CENPF: variants seen among roughly 807,000 people sequenced by gnomAD.
The protein encoded by CENPF is AH antigen.
CENPF carries 214 observed loss-of-function variants against 307.3 expected under a neutral mutation model. That is an observed-to-expected ratio of 0.70 (90% CI 0.62 to 0.78). CENPF has a LOEUF of 0.78. Ranked by LOEUF, CENPF falls within the 30% of genes least tolerant of loss-of-function variation. The pLI is 0.00. For synonymous variants in CENPF, 1,259 were observed against 1,270.6 expected, an observed-to-expected ratio of 0.99 and a Z score of 0.19; for missense variants, 3,401 against 3,483.9, an observed-to-expected ratio of 0.98 and a Z score of 0.60.
At chr1:214,603,922 G>A (rs1656956024) in intron 1 of CENPF, among the ~76,000 whole-genome samples, 1 of 151,814 alleles carries the variant, frequency 6.6e-6, no homozygotes, top group African/African-American at 2.4e-5. Context: ...CTTGGCCTCT[G>A]TAAGTGCCAG....
In CENPF at chr1:214,618,677, C is replaced by T. The variant is rs749453909; in HGVS notation, c.464C>T (p.Pro155Leu). 1 of 1,613,546 alleles carries T rather than the reference C, an allele frequency of 6.2e-7. No individual in the cohort carries two copies. The highest frequency in any genetic ancestry group is 1.3e-5 in the African/African-American group (1 of 74,904). Residue 155 changes from proline (P) to leucine (L), a missense_variant, in exon 4 of 20, where the codon CCA becomes CTA. By Grantham distance (98) the Pro-to-Leu change is moderately conservative (BLOSUM62 -3). Transcript: ENST00000366955. ...PQKIFTTPLT[P>L]SQYYSGSKYE... ...AAAATTTTTACAACTCCACTAACAC[C>T]AAGTCAATATTATAGTGGTAATGCA...
chr1:214,648,111 G>T, intron 13 of CENPF: 2 of 356,074 alleles, frequency 5.6e-6, no homozygotes, highest in African/African-American at 2.1e-5. Flanking sequence ...AGAATAAAAG[G>T]ACTATCCACA....
In CENPF at chr1:214,646,925, A is replaced by T. The variant is rs767065043; in HGVS notation, c.7355A>T (p.Glu2452Val). 5.6e-6 allele frequency: 9 copies of T among 1,614,134 alleles called. No homozygotes were observed. Among genetic ancestry groups the T allele is most frequent in the Non-Finnish European group, 7.6e-6 (9 of 1,180,006 alleles). Reference sequence around the variant, plus strand: ...CAAACACAATTAAAAGAGCTCAATGAGAGAGTGGCAGCCCTGCATAATGAC... The same window carrying T: ...CAAACACAATTAAAAGAGCTCAATGTGAGAGTGGCAGCCCTGCATAATGAC... Reference protein sequence around the residue: ...MLQTQLKELNERVAALHNDQE... With the variant: ...MLQTQLKELNVRVAALHNDQE... Residue 2452 changes from glutamate (E) to valine (V), a missense_variant, in exon 13 of 20, where the codon GAG becomes GTG. Glu to Val is a moderately radical substitution (Grantham distance 121). Transcript: ENST00000366955.
At position 214,646,619 on chromosome 1, in the gene CENPF, C is replaced by G. The variant is rs373288161; in HGVS notation, c.7049C>G (p.Thr2350Arg). The change falls in exon 13 of 20, where the codon ACA becomes AGA. Residue 2350 changes from threonine to arginine, a missense_variant. Coordinates refer to ENST00000366955, the MANE Select transcript of CENPF (RefSeq NM_016343.4). Reference sequence around the variant, plus strand: ...GAAAGAGAGCTAGAGATAGCCAGGACAAACCAAGAGCATGCAGCTCTTGAG... The same window carrying G: ...GAAAGAGAGCTAGAGATAGCCAGGAGAAACCAAGAGCATGCAGCTCTTGAG... ...NLERELEIAR[T>R]NQEHAALEAE... The G allele has an allele frequency of 1.2e-6, 2 of 1,613,894 alleles. No homozygotes were observed. Among genetic ancestry groups the G allele is most frequent in the Non-Finnish European group, 1.7e-6 (2 of 1,179,976 alleles).
At position 214,657,301 on chromosome 1, in the gene CENPF, A is replaced by AGCT. The variant is rs777731530; in HGVS notation, c.8855_8857dup (p.Ser2952_Phe2953insCys). On this transcript the variant is annotated inframe_insertion, in exon 18 of 20. Transcript: ENST00000366955. ...AGGACCAACACCTGCTACCCCAGAG[A>AGCT]GCTTTTCTAAAAAAAGCAAGAAAGC... 1.7e-5 allele frequency: 28 copies of AGCT among 1,614,072 alleles called. No homozygotes were observed. The highest frequency in any genetic ancestry group is 2.2e-5 in the Non-Finnish European group (26 of 1,180,002).
In CENPF at chr1:214,604,073, G is replaced by T. The variant is rs151038755; in HGVS notation, c.-42+752G>T. On this transcript the variant is annotated intron_variant, in intron 1 of 19. Transcript: ENST00000366955. ...CCTTGAGCCTGACCTAGAGGAGAAG[G>T]CAGGGTTATCATTCTCAGACCCAGC... Among the ~76,000 whole-genome samples the T allele has an allele frequency of 2.7e-3, 409 of 152,188 alleles. 2 individuals carry two copies. Among genetic ancestry groups the T allele is most frequent in the African/African-American group, 9.1e-3 (378 of 41,524 alleles).
intron 7 of CENPF, among the ~76,000 whole-genome samples, chr1:214,625,514 C>A (rs1001221841): frequency 6.6e-6 from 1 of 152,188 alleles, no homozygotes; most frequent in African/African-American, 2.4e-5. Context: ...AGCCACTGCA[C>A]CTGTCCTCCA....
chr1:214,630,624 A>G lies in CENPF; in HGVS notation c.1285A>G (p.Lys429Glu). The G allele has an allele frequency of 6.2e-7, 1 of 1,614,212 alleles. No individual in the cohort carries two copies. Among genetic ancestry groups the G allele is most frequent in the Non-Finnish European group, 8.5e-7 (1 of 1,180,020 alleles). ...ACTCACCCAGGAGTTACAGCAAGCCAAGAATATGCACAACGTCCTGCAGGC... is the reference window on the plus strand; with the variant it reads ...ACTCACCCAGGAGTTACAGCAAGCCGAGAATATGCACAACGTCCTGCAGGC... Reference protein sequence around the residue: ...ARLTQELQQAKNMHNVLQAEL... With the variant: ...ARLTQELQQAENMHNVLQAEL... Residue 429 changes from lysine to glutamate, a missense_variant, in exon 9 of 20, where the codon AAG becomes GAG. Physicochemically the swap from Lys to Glu is moderately conservative, Grantham distance 56. Coordinates refer to ENST00000366955, the MANE Select transcript of CENPF (RefSeq NM_016343.4).
rs201165677 is a variant in CENPF at position 214,642,271 on chromosome 1, G to A, written c.3933G>A (p.Gln1311=). 5 of 1,613,750 alleles carry A rather than the reference G, an allele frequency of 3.1e-6. No homozygotes were observed. In the Admixed American group the frequency reaches 5.0e-5, roughly 16 times the overall value. ...NELEKICEIL[Q]AEKYELVTEL... Reference sequence around the variant, plus strand: ...TAGAGAAAATATGTGAAATACTGCAGGCTGAAAAGTATGAACTCGTAACTG... The same window carrying A: ...TAGAGAAAATATGTGAAATACTGCAAGCTGAAAAGTATGAACTCGTAACTG... Residue 1311 remains glutamine, a synonymous_variant, in exon 12 of 20, where the codon CAG becomes CAA. Coordinates refer to ENST00000366955, the MANE Select transcript of CENPF (RefSeq NM_016343.4).
intron 10 of CENPF, among the ~76,000 whole-genome samples, chr1:214,634,458 A>G (rs2666830): frequency 0.98 from 148,876 of 152,290 alleles, 72,797 homozygotes; most frequent in East Asian, 1. Context: ...GCCACCTACC[A>G]CAATGTGACC....
chr1:214,643,576 T>A (rs776598704), intron 12 of CENPF, among the ~76,000 whole-genome samples: 3 of 152,232 alleles, frequency 2.0e-5, no homozygotes, highest in Non-Finnish European at 2.9e-5. Flanking sequence ...AAGATGTTTT[T>A]AAAGTCTGGA....
intron 7 of CENPF, among the ~76,000 whole-genome samples, chr1:214,623,146 G>C (rs2102540949): frequency 6.6e-6 from 1 of 152,318 alleles, no homozygotes; most frequent in Middle Eastern, 3.4e-3. Context: ...GGAAGGCAAA[G>C]GTTGCAGTGA....
rs775394307 is a variant in CENPF at position 214,642,907 on chromosome 1, A to G, written c.4569A>G (p.Val1523=). ...CTGTTTCAGCAAACCAGTGCAGTGT[A>G]GATGAAGTATTTTGCAGCAGTCTGC... ...EGAVSANQCS[V]DEVFCSSLQE... is the part of the protein sequence containing the mutation. Residue 1523 remains valine (V), a synonymous_variant, in exon 12 of 20, where the codon GTA becomes GTG. Transcript: ENST00000366955. 2 of 1,614,090 alleles carry G rather than the reference A, an allele frequency of 1.2e-6. No homozygotes were observed. Among genetic ancestry groups the G allele is most frequent in the Non-Finnish European group, 8.5e-7 (1 of 1,180,006 alleles).
intron 3 of CENPF, among the ~76,000 whole-genome samples, chr1:214,615,932 C>A (rs1387127139): frequency 1.3e-5 from 2 of 151,884 alleles, no homozygotes; most frequent in Non-Finnish European, 2.9e-5. Context: ...TTAAAATATT[C>A]TTCTTATCTA....
At chr1:214,647,848 A>T in intron 13 of CENPF, 1 of 349,922 alleles carries the variant, frequency 2.9e-6, no homozygotes. Flanking sequence ...AAGCACTTTT[A>T]AAGATACTGA....
chr1:214,642,324 T>C lies in CENPF; in HGVS notation c.3986T>C (p.Ile1329Thr), dbSNP rs1431290873. Reference sequence around the variant, plus strand: ...CTGAATGATTCAAGGTCAGAATGTATCACAGCAACTAGGAAAATGGCAGAA... The same window carrying C: ...CTGAATGATTCAAGGTCAGAATGTACCACAGCAACTAGGAAAATGGCAGAA... ...TELNDSRSEC[I>T]TATRKMAEEV... The change falls in exon 12 of 20, where the codon ATC becomes ACC. Residue 1329 changes from isoleucine (I) to threonine (T), a missense_variant. Ile to Thr is a moderately conservative substitution (Grantham distance 89). Coordinates refer to ENST00000366955, the MANE Select transcript of CENPF (RefSeq NM_016343.4). The C allele has an allele frequency of 1.2e-6, 2 of 1,613,602 alleles. No homozygotes were observed. The highest frequency in any genetic ancestry group is 1.7e-6 in the Non-Finnish European group (2 of 1,179,866).
chr1:214,641,466 A>T lies in CENPF; in HGVS notation c.3128A>T (p.Tyr1043Phe), dbSNP rs1658111763. The T allele has an allele frequency of 6.5e-7, 1 of 1,539,282 alleles. No individual in the cohort carries two copies. Among genetic ancestry groups the T allele is most frequent in the Non-Finnish European group, 8.7e-7 (1 of 1,152,082 alleles). ...GCATATGAGGATCTTAGTCAAAAAT[A>T]CAAAGCAGCACAGGAAAAGAATTCT... is the stretch of plus-strand genomic sequence containing the variant. ...GNAYEDLSQK[Y>F]KAAQEKNSKL... The change falls in exon 12 of 20, where the codon TAC (tyrosine) becomes TTC (phenylalanine). Residue 1043 changes from tyrosine (Y) to phenylalanine (F), a missense_variant. Tyr to Phe is a conservative substitution (Grantham distance 22). Coordinates refer to ENST00000366955, the MANE Select transcript of CENPF (RefSeq NM_016343.4).
In CENPF at chr1:214,647,179, C is replaced by CT; in HGVS notation, c.7611dup (p.Val2538CysfsTer3). The CT allele has an allele frequency of 1.2e-6, 2 of 1,614,072 alleles. No homozygotes were observed. Among genetic ancestry groups the CT allele is most frequent in the Non-Finnish European group, 1.7e-6 (2 of 1,179,990 alleles). On this transcript the variant is annotated frameshift_variant, in exon 13 of 20. Coordinates refer to ENST00000366955, the MANE Select transcript of CENPF (RefSeq NM_016343.4). LOFTEE classifies it high-confidence loss of function. ...AAATCAAATTCAAGACCAAGAGCAGCTTGTCTCTAAACTGTCCCAGGTGGA... is the reference window on the plus strand; with the variant it reads ...AAATCAAATTCAAGACCAAGAGCAGCTTTGTCTCTAAACTGTCCCAGGTGGA...
In CENPF at chr1:214,637,917, A is replaced by G; in HGVS notation, c.1498A>G (p.Arg500Gly). 1.2e-6 allele frequency: 2 copies of G among 1,613,630 alleles called. No homozygotes were observed. The highest frequency in any genetic ancestry group is 2.2e-5 in the East Asian group (1 of 44,862). ...TAAGAGTCACTCTGAGCAAAAGGCC[A>G]GAGAAGTCTGCCACCTGGAGGCAGA... ...LLKSHSEQKA[R>G]EVCHLEAELK... Residue 500 changes from arginine to glycine, a missense_variant, in exon 11 of 20, where the codon AGA becomes GGA. Arg to Gly is a moderately radical substitution (Grantham distance 125). Coordinates refer to ENST00000366955, the MANE Select transcript of CENPF (RefSeq NM_016343.4).
Sources: allele counts gnomAD v4.1 joint callset (sites outside exome capture counted in the v4.1 genomes callset), GRCh38; gene constraint gnomAD v4.1.1; transcripts MANE v1.5; gene names NCBI Gene and HGNC (gene_info 2026-07-23, HGNC 2026-07-21).